Variants in MZT2B observed in about 807,000 individuals in gnomAD.
The protein encoded by MZT2B is mitotic-spindle organizing protein 2B.
In MZT2B, 11 loss-of-function variants were observed where a neutral mutation model predicts 12.1. The observed-to-expected ratio is 0.91, with a 90% CI of 0.57 to 1.50. The LOEUF (loss-of-function observed/expected upper bound fraction) is 1.50. MZT2B is among the 40% of genes most tolerant of loss of function. The pLI is 0.00. For missense variants in MZT2B, 209 were observed against 227.7 expected, an observed-to-expected ratio of 0.92 and a Z score of 0.53; for synonymous variants, 85 against 109.5, an observed-to-expected ratio of 0.78 and a Z score of 1.40.
chr2:130,186,848 G>A (rs1690083422), intron 2 of MZT2B, among the ~76,000 whole-genome samples: 1 of 151,796 alleles, frequency 6.6e-6, no homozygotes. Context: ...TGAGGTTGCA[G>A]TGAGCTGTGA....
At chr2:130,192,073 C>T (rs1035352080), downstream of MZT2B, 23 of 1,611,496 alleles carry the variant, frequency 1.4e-5, no homozygotes, top group Non-Finnish European at 1.7e-5. Flanking sequence ...GCCCGCTGCA[C>T]CTTGGCCAGG....
chr2:130,196,820 G>A, the MZT2B span, among the ~76,000 whole-genome samples: 7 of 152,138 alleles, frequency 4.6e-5, no homozygotes, highest in African/African-American at 1.2e-4. Flanking sequence ...TCCTCTCTCT[G>A]CCCCCCAGTT....
chr2:130,198,955 A>G, the MZT2B span, among the ~76,000 whole-genome samples: 1 of 124,518 alleles, frequency 8.0e-6, no homozygotes, highest in Non-Finnish European at 1.8e-5. Context: ...TAACGCCTGC[A>G]ATCCCAGCAC....
chr2:130,193,214 T>C (rs1347084623), downstream of MZT2B, among the ~76,000 whole-genome samples: 1 of 150,226 alleles, frequency 6.7e-6, no homozygotes, highest in East Asian at 2.0e-4. Flanking sequence ...AGGATCACAC[T>C]ACTACAGCCT....
chr2:130,182,707 G>A lies in MZT2B; in HGVS notation c.251G>A (p.Arg84Lys). ...CTCAAGTCCATGTGTGCCGGGCAGA[G>A]GCTAGCGAGCGAGCCCCAGGACCCT... Reference protein sequence around the residue: ...QMLKSMCAGQRLASEPQDPAA... With the variant: ...QMLKSMCAGQKLASEPQDPAA... Residue 84 changes from arginine (R) to lysine (K), a missense_variant, in exon 2 of 3, where the codon AGG (arginine) becomes AAG (lysine). Arg to Lys is a conservative substitution (Grantham distance 26). Coordinates refer to ENST00000281871, the MANE Select transcript of MZT2B (RefSeq NM_025029.5). 6.5e-7 allele frequency: 1 copy of A among 1,544,242 alleles called. No homozygotes were observed. Among genetic ancestry groups the A allele is most frequent in the Non-Finnish European group, 8.7e-7 (1 of 1,143,314 alleles).
At chr2:130,189,931 G>A (rs1162536412) in intron 2 of MZT2B, among the ~76,000 whole-genome samples, 1 of 152,160 alleles carries the variant, frequency 6.6e-6, no homozygotes, top group African/African-American at 2.4e-5. Flanking sequence ...AGAACACTCG[G>A]GTAGGTAGGA....
downstream of MZT2B, among the ~76,000 whole-genome samples, chr2:130,193,330 T>G (rs1013716947): frequency 6.6e-6 from 1 of 151,792 alleles, no homozygotes. Flanking sequence ...ATCACTGACC[T>G]GGGCGCAGTG....
chr2:130,190,801 G>A (rs142696086), downstream of MZT2B: 968 of 1,347,638 alleles, frequency 7.2e-4, 5 homozygotes, highest in African/African-American at 0.013. Flanking sequence ...TTTCTGTGCC[G>A]GTCCTGGTTG....
At chr2:130,194,865 A>G (rs535081107), downstream of MZT2B, among the ~76,000 whole-genome samples, 77 of 152,262 alleles carry the variant, frequency 5.1e-4, no homozygotes, top group African/African-American at 1.7e-3. Context: ...TTTAGTAGAC[A>G]TAGAGTTTCA....
intron 2 of MZT2B, among the ~76,000 whole-genome samples, chr2:130,183,346 C>T (rs1393100775): frequency 6.6e-6 from 1 of 152,222 alleles, no homozygotes; most frequent in Non-Finnish European, 1.5e-5. Flanking sequence ...TCCTGGTCAG[C>T]TTTCCCTCTG....
At chr2:130,189,228 A>C (rs1462718067) in intron 2 of MZT2B, among the ~76,000 whole-genome samples, 1 of 152,246 alleles carries the variant, frequency 6.6e-6, no homozygotes, top group East Asian at 1.9e-4. Context: ...GGCACACCGC[A>C]CTGAGGGGGT....
intron 2 of MZT2B, among the ~76,000 whole-genome samples, chr2:130,187,303 ACCT>A (rs1690103728): frequency 1.3e-5 from 2 of 151,850 alleles, no homozygotes; most frequent in African/African-American, 2.4e-5. Flanking sequence ...CAATCCTCCC[ACCT>A]CCTCTTGAGT....
At chr2:130,181,894 G>C, upstream of MZT2B, 2 of 1,502,440 alleles carry the variant, frequency 1.3e-6, no homozygotes, top group Non-Finnish European at 1.8e-6. Flanking sequence ...GCGACCCCTA[G>C]TGGTGCACCG....
upstream of MZT2B, chr2:130,181,739 G>A (rs768755834): frequency 2.0e-5 from 31 of 1,548,624 alleles, no homozygotes; most frequent in South Asian, 3.6e-5. Flanking sequence ...AGGAGTGCGG[G>A]GGAGGGAGTG....
At chr2:130,189,038 C>T (rs971768094) in intron 2 of MZT2B, among the ~76,000 whole-genome samples, 1 of 152,114 alleles carries the variant, frequency 6.6e-6, no homozygotes. Context: ...AAAGTGATGG[C>T]AGGGGAGTTC....
chr2:130,182,409 C>A lies in MZT2B; in HGVS notation c.127C>A (p.Leu43Met). Reference sequence around the variant, plus strand: ...CACCGAGGAGATGGAGCTGTACGAGCTGGCGCAGGCGGCGGGCGGCGCTAT... The same window carrying A: ...CACCGAGGAGATGGAGCTGTACGAGATGGCGCAGGCGGCGGGCGGCGCTAT... Reference protein sequence around the residue: ...LSTEEMELYELAQAAGGAIDP... With the variant: ...LSTEEMELYEMAQAAGGAIDP... The change falls in exon 1 of 3, where the codon CTG becomes ATG. Residue 43 changes from leucine to methionine, a missense_variant. Transcript: ENST00000281871. 3.2e-6 allele frequency: 5 copies of A among 1,565,330 alleles called. No individual in the cohort carries two copies. The highest frequency in any genetic ancestry group is 4.3e-6 in the Non-Finnish European group (5 of 1,158,370).
At chr2:130,186,026 A>G (rs1690047114) in intron 2 of MZT2B, among the ~76,000 whole-genome samples, 1 of 152,136 alleles carries the variant, frequency 6.6e-6, no homozygotes, top group African/African-American at 2.4e-5. Flanking sequence ...CTGAGTGAGA[A>G]GCAGAGGCCA....
At chr2:130,197,380 G>A in the MZT2B span, among the ~76,000 whole-genome samples, 1 of 120,698 alleles carries the variant, frequency 8.3e-6, no homozygotes, top group East Asian at 2.7e-4. Flanking sequence ...CCAGCTACTC[G>A]GAAGGCTGAG....
chr2:130,185,941 G>A (rs1213412885), intron 2 of MZT2B, among the ~76,000 whole-genome samples: 2 of 152,110 alleles, frequency 1.3e-5, no homozygotes, highest in Non-Finnish European at 1.5e-5. Flanking sequence ...CCGAGGCCCT[G>A]TGGAGATAGA....
Sources: allele counts gnomAD v4.1 joint callset (sites outside exome capture counted in the v4.1 genomes callset), GRCh38; gene constraint gnomAD v4.1.1; transcripts MANE v1.5; gene names NCBI Gene and HGNC (gene_info 2026-07-23, HGNC 2026-07-21).